The following B4GALNT3 variants were observed in gnomAD, a reference collection of about 807,000 sequenced individuals.
The protein encoded by B4GALNT3 is beta-1,4-N-acetylgalactosaminyltransferase 3.
A neutral mutation model predicts 120.2 loss-of-function variants in B4GALNT3; 86 were observed. The observed-to-expected ratio is 0.72, with a 90% CI of 0.60 to 0.86. B4GALNT3 has a LOEUF of 0.86. Ranked by LOEUF, B4GALNT3 falls within the 40% of genes least tolerant of loss-of-function variation. The pLI is 0.00. For synonymous variants in B4GALNT3, 518 were observed against 510.4 expected (o/e 1.01, Z -0.20); for missense variants, 1,167 against 1,298.9 (o/e 0.90, Z 1.56).
chr12:484,507 A>T (rs915334673), intron 1 of B4GALNT3, among the ~76,000 whole-genome samples: 1 of 152,128 alleles, frequency 6.6e-6, no homozygotes. Flanking sequence ...TTCGTGTAAG[A>T]CCTCACCCCA....
At chr12:465,654 C>T (rs1002908508) in intron 1 of B4GALNT3, among the ~76,000 whole-genome samples, 2 of 152,156 alleles carry the variant, frequency 1.3e-5, no homozygotes, top group African/African-American at 2.4e-5. Flanking sequence ...CTGATGTGGC[C>T]GGCGAACCTC....
intron 19 of B4GALNT3, 88 bp from the exon 20 acceptor site, chr12:561,255 G>A (rs1450592872): frequency 5.2e-6 from 5 of 966,962 alleles, no homozygotes; most frequent in Admixed American, 4.0e-5. Context: ...CCCGTGGGGA[G>A]CGAACAGAGG....
chr12:470,596 G>A (rs1317720444), intron 1 of B4GALNT3, among the ~76,000 whole-genome samples: 1 of 152,246 alleles, frequency 6.6e-6, no homozygotes, highest in African/African-American at 2.4e-5. Context: ...AAAGGGCAGT[G>A]GAGATGGGCA....
At chr12:557,548 C>T in intron 15 of B4GALNT3, 60 bp from the exon 16 acceptor site, 2 of 1,551,676 alleles carry the variant, frequency 1.3e-6, no homozygotes, top group Middle Eastern at 4.2e-4. Context: ...GGTGGAGGCG[C>T]TCATCCGCTC....
intron 1 of B4GALNT3, among the ~76,000 whole-genome samples, chr12:512,719 CCTTCCA>C (rs1946603416): frequency 6.8e-6 from 1 of 147,074 alleles, no homozygotes; most frequent in Admixed American, 6.7e-5. Flanking sequence ...CCACCTTCCA[CCTTCCA>C]CCTTCTTCCA....
At chr12:559,509 C>G in intron 19 of B4GALNT3, 88 bp downstream of exon 19, 8 of 1,562,812 alleles carry the variant, frequency 5.1e-6, no homozygotes, top group Non-Finnish European at 7.0e-6. Flanking sequence ...CTAGCTGTCC[C>G]CCTCGGCCGC....
chr12:531,898 G>A (rs1218660445), intron 1 of B4GALNT3, among the ~76,000 whole-genome samples: 4 of 151,730 alleles, frequency 2.6e-5, no homozygotes, highest in African/African-American at 9.7e-5. Context: ...CAGGGCCAAA[G>A]AAGTTAAATT....
chr12:469,657 C>T (rs761413381), intron 1 of B4GALNT3, among the ~76,000 whole-genome samples: 3 of 151,950 alleles, frequency 2.0e-5, no homozygotes, highest in African/African-American at 7.3e-5. Context: ...AAGGATTTTG[C>T]GGAGAACGAG....
chr12:535,884 C>G (rs1057422969), intron 2 of B4GALNT3, among the ~76,000 whole-genome samples: 1 of 152,096 alleles, frequency 6.6e-6, no homozygotes, highest in African/African-American at 2.4e-5. Context: ...TTGGTGGTGT[C>G]CCTGAGGGGC....
intron 3 of B4GALNT3, among the ~76,000 whole-genome samples, chr12:537,825 A>C (rs1946877215): frequency 6.6e-6 from 1 of 152,076 alleles, no homozygotes; most frequent in Non-Finnish European, 1.5e-5. Flanking sequence ...TCATAGGTGG[A>C]GCTCTTCAGC....
chr12:525,654 G>A (rs534183583), intron 1 of B4GALNT3, among the ~76,000 whole-genome samples: 19 of 152,270 alleles, frequency 1.2e-4, no homozygotes, highest in African/African-American at 2.9e-4. Flanking sequence ...AGTCACTTCC[G>A]CCAAGCTGGG....
chr12:507,658 T>C (rs1475819041), intron 1 of B4GALNT3, among the ~76,000 whole-genome samples: 1 of 152,196 alleles, frequency 6.6e-6, no homozygotes, highest in East Asian at 1.9e-4. Context: ...TTTACATCTG[T>C]GGTGGAAGCA....
intron 1 of B4GALNT3, among the ~76,000 whole-genome samples, chr12:484,183 A>T (rs994303940): frequency 1.3e-5 from 2 of 152,222 alleles, no homozygotes; most frequent in Non-Finnish European, 2.9e-5. Context: ...TTTCACAGGC[A>T]GACTGCCTCC....
Position 553,764 on chromosome 12 carries a change from A to AG in B4GALNT3, c.1843dup (p.Glu615GlyfsTer6). The AG allele has an allele frequency of 6.2e-7, 1 of 1,614,138 alleles. No individual in the cohort carries two copies. Among genetic ancestry groups the AG allele is most frequent in the Non-Finnish European group, 8.5e-7 (1 of 1,180,008 alleles). On this transcript the variant is annotated frameshift_variant, in exon 14 of 20. Coordinates refer to ENST00000266383, the MANE Select transcript of B4GALNT3 (RefSeq NM_173593.4). LOFTEE classifies it high-confidence loss of function. Reference sequence around the variant, plus strand: ...GAGGAAGAGGGGGAAGAAGAGGAGGAGGAAGAGGATATGAGTGAGGTGTTC... The same window carrying AG: ...GAGGAAGAGGGGGAAGAAGAGGAGGAGGGAAGAGGATATGAGTGAGGTGTTC...
chr12:547,983 A>G (rs1947029348), intron 7 of B4GALNT3, 41 bp from the exon 8 acceptor site: 1 of 1,574,398 alleles, frequency 6.4e-7, no homozygotes, highest in Non-Finnish European at 8.7e-7. Flanking sequence ...CCCAGGGCCC[A>G]TGGAGATGGC....
At chr12:552,944 C>T (rs544152254) in intron 13 of B4GALNT3, 9 of 552,582 alleles carry the variant, frequency 1.6e-5, no homozygotes, top group South Asian at 1.2e-4. Context: ...CATGTGATGC[C>T]GTTTATCTCA....
intron 1 of B4GALNT3, among the ~76,000 whole-genome samples, chr12:529,198 C>A (rs1427370986): frequency 6.6e-6 from 1 of 152,154 alleles, no homozygotes; most frequent in Non-Finnish European, 1.5e-5. Context: ...TCCGCATCTC[C>A]CCCTGTAGGT....
chr12:556,857 G>A lies in B4GALNT3; in HGVS notation c.2371G>A (p.Val791Ile), dbSNP rs545149712. ...SWSHRAVVHFVVPVKNQARWV... is the reference protein window; with the variant it reads ...SWSHRAVVHFIVPVKNQARWV... ...GAGTCACCGAGCCGTGGTCCACTTC[G>A]TCGTGCCTGGTGAGCCTCAAGCTGA... The change falls in exon 15 of 20, where the codon GTC (valine) becomes ATC (isoleucine). Residue 791 changes from valine to isoleucine, a missense_variant. Transcript: ENST00000266383. 180 of 1,603,324 alleles carry A rather than the reference G, an allele frequency of 1.1e-4. 2 individuals are homozygous for A. The South Asian group carries it at 1.5e-3, about 14-fold the overall frequency.
intron 1 of B4GALNT3, among the ~76,000 whole-genome samples, chr12:530,287 T>C (rs1044533462): frequency 3.9e-5 from 6 of 152,240 alleles, no homozygotes; most frequent in African/African-American, 1.4e-4. Context: ...TCCTGGGCCT[T>C]TATTAACAGG....
Sources: gnomAD v4.1 joint callset for allele counts (sites outside exome capture counted in the v4.1 genomes callset) on GRCh38, gnomAD v4.1.1 for gene constraint, MANE v1.5 for transcripts, NCBI Gene and HGNC (gene_info 2026-07-23, HGNC 2026-07-21) for gene names.